RGS6: variants seen among roughly 807,000 people sequenced by gnomAD.
RGS6 encodes regulator of G-protein signaling 6.
RGS6 carries 30 observed loss-of-function variants against 78.5 expected under a neutral mutation model. The ratio of observed to expected loss-of-function variants is 0.38; its 90% CI spans 0.29 to 0.52. RGS6 has a LOEUF of 0.52. Among genes scored for constraint, RGS6 ranks in the 20% least tolerant of loss-of-function variants. RGS6 has a pLI of 0.85. For missense variants in RGS6, 495 were observed against 609.7 expected (o/e 0.81, Z 1.98); for synonymous variants, 206 against 206.0 (o/e 1.00, Z 0.00).
chr14:72,213,822 C>T (rs1487205768), intron 2 of RGS6, among the ~76,000 whole-genome samples: 6 of 152,112 alleles, frequency 3.9e-5, no homozygotes, highest in Admixed American at 1.3e-4. Context: ...GTCCATTTGG[C>T]GTATTCTTTA....
At chr14:72,448,058 C>A (rs2095409985) in intron 3 of RGS6, among the ~76,000 whole-genome samples, 1 of 152,148 alleles carries the variant, frequency 6.6e-6, no homozygotes, top group African/African-American at 2.4e-5. Flanking sequence ...AACCATGAAC[C>A]AGGCATTGTG....
At chr14:72,224,479 A>G (rs2047636839) in intron 2 of RGS6, among the ~76,000 whole-genome samples, 1 of 151,668 alleles carries the variant, frequency 6.6e-6, no homozygotes, top group Non-Finnish European at 1.5e-5. Context: ...TATATACTTT[A>G]GAGGCTTTCA....
In RGS6 at chr14:72,128,030, T is replaced by C. The variant is rs2096241218; in HGVS notation, c.84+163155T>C. Among the ~76,000 whole-genome samples the C allele has an allele frequency of 2.0e-5, 3 of 152,310 alleles. No homozygotes were observed. The South Asian group carries it at 6.2e-4, about 32-fold the overall frequency. ...CTTTTTATTACTGAGTAGCGTTCTG[T>C]GGTATGGATAGACCACAGTTTAAAC... On this transcript the variant is annotated intron_variant, in intron 2 of 17. Coordinates refer to ENST00000553525, the MANE Select transcript of RGS6 (RefSeq NM_001204424.2).
chr14:71,984,306 A>C (rs1395771903), intron 2 of RGS6, among the ~76,000 whole-genome samples: 1 of 109,658 alleles, frequency 9.1e-6, no homozygotes, highest in Admixed American at 9.1e-5. Flanking sequence ...GTTAAAAAAA[A>C]AAAAAAAAAA....
At chr14:72,237,191 T>C (rs1316521804) in intron 2 of RGS6, among the ~76,000 whole-genome samples, 2 of 152,234 alleles carry the variant, frequency 1.3e-5, no homozygotes, top group Non-Finnish European at 1.5e-5. Context: ...CTGTACCCAT[T>C]TTAGTGCTGA....
downstream of RGS6, among the ~76,000 whole-genome samples, chr14:72,567,238 T>G (rs1422211430): frequency 2.6e-5 from 4 of 152,192 alleles, no homozygotes; most frequent in Non-Finnish European, 2.9e-5. Flanking sequence ...CACCCCCTTG[T>G]GCAGGATTTT....
At chr14:72,228,474 G>A (rs1055752128) in intron 2 of RGS6, among the ~76,000 whole-genome samples, 3 of 152,240 alleles carry the variant, frequency 2.0e-5, no homozygotes, top group African/African-American at 7.2e-5. Flanking sequence ...GGACCCATTG[G>A]AGGGTTTTAA....
At chr14:71,971,129 C>T (rs1013993274) in intron 2 of RGS6, among the ~76,000 whole-genome samples, 5 of 152,190 alleles carry the variant, frequency 3.3e-5, no homozygotes, top group Non-Finnish European at 7.4e-5. Context: ...ATGTACCATG[C>T]CAAGGAGTTT....
chr14:72,237,958 T>C (rs1257021413), intron 2 of RGS6, among the ~76,000 whole-genome samples: 1 of 131,524 alleles, frequency 7.6e-6, no homozygotes, highest in Non-Finnish European at 1.7e-5. Flanking sequence ...CCCTGCCCTC[T>C]GGGTACCTGG....
At chr14:72,328,639 G>T (rs1177705302) in intron 2 of RGS6, among the ~76,000 whole-genome samples, 1 of 152,112 alleles carries the variant, frequency 6.6e-6, no homozygotes, top group Non-Finnish European at 1.5e-5. Context: ...CTGGAGACAG[G>T]ATACCAAGGA....
At chr14:72,392,784 A>C (rs889509771) in intron 3 of RGS6, among the ~76,000 whole-genome samples, 3 of 152,042 alleles carry the variant, frequency 2.0e-5, no homozygotes, top group Admixed American at 1.3e-4. Flanking sequence ...AGCCTTCCAC[A>C]CTTCTTCCTG....
chr14:72,359,041 A>G (rs985882319), intron 3 of RGS6, among the ~76,000 whole-genome samples: 5 of 151,992 alleles, frequency 3.3e-5, no homozygotes, highest in Non-Finnish European at 7.4e-5. Context: ...CTTTTCCTCT[A>G]CCTCACTCTT....
chr14:72,022,159 T>C (rs771574860), intron 2 of RGS6, among the ~76,000 whole-genome samples: 3 of 152,176 alleles, frequency 2.0e-5, no homozygotes, highest in Non-Finnish European at 2.9e-5. Context: ...CCACATTTTC[T>C]TTACCCGGTC....
At chr14:72,121,687 A>T (rs927895672) in intron 2 of RGS6, among the ~76,000 whole-genome samples, 2 of 152,104 alleles carry the variant, frequency 1.3e-5, no homozygotes, top group Non-Finnish European at 2.9e-5. Flanking sequence ...TATCTTGCTC[A>T]TTTAACCTCT....
Position 72,318,687 on chromosome 14 carries a change from TG to T in RGS6, c.85-33406del, listed in dbSNP as rs141962999. On this transcript the variant is annotated intron_variant, in intron 2 of 17. Coordinates refer to ENST00000553525, the MANE Select transcript of RGS6 (RefSeq NM_001204424.2). ...CAAGCAAAAAACACGTCTCCAAAAC[TG>T]GTACTTCAGAGCAGGCATACCCTAA... 2.6e-3 allele frequency among the ~76,000 whole-genome samples: 397 copies of T among 152,234 alleles called. 13 individuals are homozygous for T. The East Asian group carries it at 0.068, about 26-fold the overall frequency.
intron 2 of RGS6, among the ~76,000 whole-genome samples, chr14:72,205,831 G>T (rs1331323884): frequency 1.3e-5 from 2 of 152,286 alleles, no homozygotes; most frequent in East Asian, 1.9e-4. Flanking sequence ...TTTGCCCACT[G>T]ACCAAAATTA....
chr14:72,376,412 G>A (rs2084736337), intron 3 of RGS6, among the ~76,000 whole-genome samples: 1 of 152,178 alleles, frequency 6.6e-6, no homozygotes, highest in Admixed American at 6.5e-5. Flanking sequence ...AAGAAGAGAA[G>A]GGAAAAGGTG....
intron 2 of RGS6, among the ~76,000 whole-genome samples, chr14:72,130,787 T>C (rs2096297002): frequency 6.6e-6 from 1 of 152,198 alleles, no homozygotes; most frequent in Admixed American, 6.5e-5. Flanking sequence ...TATCCCACTT[T>C]CCCCTAGAGC....
intron 2 of RGS6, among the ~76,000 whole-genome samples, chr14:72,105,868 A>T (rs887373641): frequency 2.6e-5 from 4 of 152,218 alleles, no homozygotes; most frequent in Non-Finnish European, 5.9e-5. Flanking sequence ...GCAAGTTTGT[A>T]GAGAGATACC....
Sources: allele counts gnomAD v4.1 joint callset (sites outside exome capture counted in the v4.1 genomes callset), GRCh38; gene constraint gnomAD v4.1.1; transcripts MANE v1.5; gene names NCBI Gene and HGNC (gene_info 2026-07-23, HGNC 2026-07-21).